Variants in ELOVL7 observed in about 807,000 individuals in gnomAD.
ELOVL7 encodes very long chain fatty acid elongase 7.
In ELOVL7, 27 loss-of-function variants were observed where a neutral mutation model predicts 35.7. That is an observed-to-expected ratio of 0.76 (90% CI 0.56 to 1.04). The LOEUF is 1.04. ELOVL7 is among the 50% of genes least tolerant of loss of function. The pLI, the probability that ELOVL7 is intolerant of heterozygous loss-of-function variation, is 0.00. For missense variants in ELOVL7, 327 were observed against 340.8 expected, an observed-to-expected ratio of 0.96 and a Z score of 0.32; for synonymous variants, 113 against 114.6, an observed-to-expected ratio of 0.99 and a Z score of 0.09.
chr5:60,800,123 C>A (rs1286072451), intron 1 of ELOVL7, among the ~76,000 whole-genome samples: 1 of 149,156 alleles, frequency 6.7e-6, no homozygotes, highest in Non-Finnish European at 1.5e-5. Context: ...ACTTCCTGAA[C>A]TCATTTCATA....
intron 3 of ELOVL7, among the ~76,000 whole-genome samples, chr5:60,773,499 G>A (rs1339404304): frequency 1.3e-5 from 2 of 152,090 alleles, no homozygotes; most frequent in African/African-American, 2.4e-5. Flanking sequence ...GATGTGCATG[G>A]GTGATTATTC....
intron 2 of ELOVL7, among the ~76,000 whole-genome samples, chr5:60,794,081 G>C (rs950146639): frequency 9.9e-5 from 15 of 151,834 alleles, no homozygotes; most frequent in Non-Finnish European, 2.2e-4. Context: ...GGCAGGAGTA[G>C]AGTAAACAGG....
rs754052912 is a variant in ELOVL7, at chr5:60,800,160, C to T, written c.-85-930G>A. Among the ~76,000 whole-genome samples, 3 of 151,030 alleles carry T rather than the reference C, an allele frequency of 2.0e-5. No homozygotes were observed. In the East Asian group the frequency reaches 5.8e-4, roughly 29 times the overall value. ...GGTCAGCATTACTCAGATACCAAAACCAGACAAGGACACTACAAAAAAAGA... is the reference window on the plus strand; with the variant it reads ...GGTCAGCATTACTCAGATACCAAAATCAGACAAGGACACTACAAAAAAAGA... On this transcript the variant is annotated intron_variant, in intron 1 of 8. Transcript: ENST00000508821.
At chr5:60,829,164 C>T (rs1746340949) in intron 1 of ELOVL7, among the ~76,000 whole-genome samples, 1 of 143,566 alleles carries the variant, frequency 7.0e-6, no homozygotes, top group Admixed American at 6.9e-5. Context: ...ATGTTTAGAG[C>T]TTTCAAAAAA....
intron 1 of ELOVL7, among the ~76,000 whole-genome samples, chr5:60,831,880 A>G (rs1284609258): frequency 6.6e-6 from 1 of 152,198 alleles, no homozygotes; most frequent in Non-Finnish European, 1.5e-5. Flanking sequence ...ATTTATCACA[A>G]CTGCATTACC....
rs150146463 is a variant in ELOVL7, at chr5:60,817,824, A to G, written c.-85-18594T>C. On this transcript the variant is annotated intron_variant, in intron 1 of 8. Transcript: ENST00000508821. ...ACACACCATATATATGTGTGTGTGT[A>G]TATATATGTGTGTGTGTGTGTGTGT... Among the ~76,000 whole-genome samples, 430 of 147,124 alleles carry G rather than the reference A, an allele frequency of 2.9e-3. 1 individual carries two copies. Among genetic ancestry groups the G allele is most frequent in the African/African-American group, 9.8e-3 (390 of 39,848 alleles).
chr5:60,821,251 C>G (rs1307591587), intron 1 of ELOVL7, among the ~76,000 whole-genome samples: 1 of 152,192 alleles, frequency 6.6e-6, no homozygotes, highest in Non-Finnish European at 1.5e-5. Flanking sequence ...GCTTAGCACC[C>G]TTCTAATCTC....
At chr5:60,839,961 C>A (rs2112414992) in intron 1 of ELOVL7, among the ~76,000 whole-genome samples, 1 of 151,696 alleles carries the variant, frequency 6.6e-6, no homozygotes, top group East Asian at 2.0e-4. Flanking sequence ...GACTGTGCCA[C>A]TGCACTCCCG....
At chr5:60,789,711 T>TG (rs1230804244) in intron 2 of ELOVL7, among the ~76,000 whole-genome samples, 3 of 152,214 alleles carry the variant, frequency 2.0e-5, no homozygotes, top group Non-Finnish European at 2.9e-5. Flanking sequence ...ACAACCCACA[T>TG]GTCTACTAAT....
In ELOVL7 at chr5:60,788,512, C is replaced by T. The variant is rs1406110894; in HGVS notation, c.-34-1081G>A. Among the ~76,000 whole-genome samples, 3 of 152,148 alleles carry T rather than the reference C, an allele frequency of 2.0e-5. No homozygotes were observed. The South Asian group carries it at 6.2e-4, about 32-fold the overall frequency. ...AAAATTGGCCGGGTGCAGTGGCTCA[C>T]ACCTGTAATCCCAGCACTTTGGGAG... On this transcript the variant is annotated intron_variant, in intron 2 of 8. Coordinates refer to ENST00000508821, the MANE Select transcript of ELOVL7 (RefSeq NM_024930.3).
chr5:60,822,407 C>T (rs1745940970), intron 1 of ELOVL7, among the ~76,000 whole-genome samples: 1 of 152,184 alleles, frequency 6.6e-6, no homozygotes, highest in South Asian at 2.1e-4. Context: ...TAGCTATAGG[C>T]AAATCAGCTA....
At chr5:60,839,002 G>A (rs1317700317) in intron 1 of ELOVL7, among the ~76,000 whole-genome samples, 2 of 143,340 alleles carry the variant, frequency 1.4e-5, no homozygotes, top group Admixed American at 7.2e-5. Context: ...CAGCCCAGGC[G>A]ACAAGAACAA....
intron 1 of ELOVL7, among the ~76,000 whole-genome samples, chr5:60,828,916 ATTAAG>A (rs1746326971): frequency 6.6e-6 from 1 of 152,176 alleles, no homozygotes; most frequent in African/African-American, 2.4e-5. Flanking sequence ...ATTTGATGAC[ATTAAG>A]TTATTATTTT....
chr5:60,775,062 C>A (rs1742825009), intron 3 of ELOVL7, among the ~76,000 whole-genome samples: 1 of 152,112 alleles, frequency 6.6e-6, no homozygotes, highest in African/African-American at 2.4e-5. Context: ...CCACACCCAG[C>A]CAAAACTCTT....
intron 1 of ELOVL7, among the ~76,000 whole-genome samples, chr5:60,838,693 T>C (rs1579951836): frequency 6.6e-6 from 1 of 152,192 alleles, no homozygotes; most frequent in African/African-American, 2.4e-5. Context: ...TTGTAAGCTA[T>C]GTGGAAACTT....
At chr5:60,785,427 C>T (rs1386277441) in intron 3 of ELOVL7, among the ~76,000 whole-genome samples, 1 of 152,172 alleles carries the variant, frequency 6.6e-6, no homozygotes, top group African/African-American at 2.4e-5. Context: ...TTATTATCTA[C>T]ATCTATTCAG....
intron 1 of ELOVL7, among the ~76,000 whole-genome samples, chr5:60,835,190 G>GAAAAAAAAA (rs60918884): frequency 1.2e-5 from 1 of 81,392 alleles, no homozygotes. Flanking sequence ...ATCCCATCTT[G>GAAAAAAAAA]AAAAAAAAAA....
chr5:60,759,358 T>C (rs1741738743), intron 7 of ELOVL7, among the ~76,000 whole-genome samples: 1 of 152,206 alleles, frequency 6.6e-6, no homozygotes, highest in Admixed American at 6.5e-5. Context: ...AAAGGAAATT[T>C]GAATAAACAC....
chr5:60,821,140 C>T (rs1054680997), intron 1 of ELOVL7, among the ~76,000 whole-genome samples: 1 of 152,168 alleles, frequency 6.6e-6, no homozygotes, highest in Non-Finnish European at 1.5e-5. Flanking sequence ...ACAAGGCCAC[C>T]AGAGTCATCT....
Sources: gnomAD v4.1 joint callset for allele counts (sites outside exome capture counted in the v4.1 genomes callset) on GRCh38, gnomAD v4.1.1 for gene constraint, MANE v1.5 for transcripts, NCBI Gene and HGNC (gene_info 2026-07-23, HGNC 2026-07-21) for gene names.